The following PHF3 variants were observed in gnomAD, a reference collection of about 807,000 sequenced individuals.
The protein encoded by PHF3 is PHD finger protein 3.
In PHF3, 41 loss-of-function variants were observed where a neutral mutation model predicts 178.4. The ratio of observed to expected loss-of-function variants is 0.23; its 90% CI spans 0.18 to 0.30. The LOEUF (loss-of-function observed/expected upper bound fraction) is 0.30, where lower values mean the gene tolerates loss of function less well. Ranked by LOEUF, PHF3 falls within the 10% of genes least tolerant of loss-of-function variation. The pLI is 1.00. For missense variants in PHF3, 2,346 were observed against 2,398.1 expected (o/e 0.98, Z 0.45); for synonymous variants, 842 against 800.5 (o/e 1.05, Z -0.88).
chr6:63,667,416 TC>T (rs1267878068), intron 2 of PHF3, among the ~76,000 whole-genome samples: 2 of 152,218 alleles, frequency 1.3e-5, no homozygotes, highest in Non-Finnish European at 2.9e-5. Flanking sequence ...TCACCAATAT[TC>T]AACAGCTGTT....
Position 63,714,780 on chromosome 6 carries a change from A to G in PHF3, c.*1072A>G, listed in dbSNP as rs1164475481. On this transcript the variant is annotated 3_prime_UTR_variant, in exon 16 of 16. Coordinates refer to ENST00000262043, the MANE Select transcript of PHF3 (RefSeq NM_001370348.2). ...ACTAATCATTAAAATTAAAGACCGC[A>G]GAACTTGAAGAGAAATATGTTTTGA... 10 of 152,136 alleles carry G rather than the reference A, an allele frequency of 6.6e-5. No individual in the cohort carries two copies. Among genetic ancestry groups the G allele is most frequent in the Admixed American group, 6.6e-4 (10 of 15,246 alleles). The allele number at this position is 152,136 out of a possible 1,614,324, so 9.4% of individuals were successfully genotyped here.
At chr6:63,705,411 G>A (rs558215067) in intron 11 of PHF3, among the ~76,000 whole-genome samples, 94 of 152,204 alleles carry the variant, frequency 6.2e-4, no homozygotes, top group Admixed American at 3.7e-3. Flanking sequence ...AGCGGTGGAC[G>A]ATACTGCCTG....
At chr6:63,674,531 G>A (rs1766082358) in intron 2 of PHF3, among the ~76,000 whole-genome samples, 1 of 151,576 alleles carries the variant, frequency 6.6e-6, no homozygotes, top group African/African-American at 2.4e-5. Flanking sequence ...TCATACCTCA[G>A]CCTCTTTTTG....
At chr6:63,688,362 A>C (rs541026900) in intron 4 of PHF3, among the ~76,000 whole-genome samples, 407 of 1,860 alleles carry the variant, frequency 0.22, 2 homozygotes, top group Middle Eastern at 0.25. Flanking sequence ...TTTAAGACAA[A>C]GTCTCACTGT....
intron 11 of PHF3, among the ~76,000 whole-genome samples, chr6:63,705,520 T>C (rs1198702363): frequency 6.6e-6 from 1 of 152,206 alleles, no homozygotes; most frequent in Non-Finnish European, 1.5e-5. Flanking sequence ...GCGTGCTCCT[T>C]ATGAGAATCT....
chr6:63,648,614 T>G (rs528351873), intron 2 of PHF3, among the ~76,000 whole-genome samples: 1 of 152,346 alleles, frequency 6.6e-6, no homozygotes, highest in African/African-American at 2.4e-5. Context: ...GTTGTACATT[T>G]CTTTTGCTAA....
intron 2 of PHF3, among the ~76,000 whole-genome samples, chr6:63,652,350 T>A (rs1293466341): frequency 6.6e-6 from 1 of 152,208 alleles, no homozygotes; most frequent in South Asian, 2.1e-4. Context: ...TTTTGAAAGA[T>A]GTCTTTTCAG....
chr6:63,694,108 T>C (rs1363785855), intron 5 of PHF3, among the ~76,000 whole-genome samples: 2 of 152,190 alleles, frequency 1.3e-5, no homozygotes, highest in African/African-American at 4.8e-5. Flanking sequence ...CCCAAGGATC[T>C]CAGAATTCCA....
chr6:63,687,861 A>C (rs1766783158), intron 4 of PHF3, among the ~76,000 whole-genome samples: 1 of 152,206 alleles, frequency 6.6e-6, no homozygotes, highest in Admixed American at 6.5e-5. Context: ...AGTCTGTAGA[A>C]TGACTTAGAA....
Position 63,723,731 on chromosome 6 carries a change from T to C in PHF3, c.*10023T>C, listed in dbSNP as rs1333201700. ...ATTAGCTTAAAAAATCATAGACTTT[T>C]AAATTTCATTGCGTTAGGATATGAT... On this transcript the variant is annotated 3_prime_UTR_variant, in exon 16 of 16. Transcript: ENST00000262043. Among the ~76,000 whole-genome samples the C allele has an allele frequency of 6.6e-6, 1 of 151,676 alleles. No individual in the cohort carries two copies. The highest frequency in any genetic ancestry group is 1.5e-5 in the Non-Finnish European group (1 of 67,924).
At chr6:63,661,963 A>G (rs1765486629) in intron 2 of PHF3, among the ~76,000 whole-genome samples, 2 of 152,174 alleles carry the variant, frequency 1.3e-5, no homozygotes, top group Non-Finnish European at 2.9e-5. Context: ...ACCCAGCTGC[A>G]CAGCAACAGG....
intron 13 of PHF3, among the ~76,000 whole-genome samples, 170 bp from the exon 14 acceptor site, chr6:63,708,981 C>A (rs1194951295): frequency 1.3e-5 from 2 of 152,106 alleles, no homozygotes; most frequent in African/African-American, 2.4e-5. Flanking sequence ...TCAAGTAAAA[C>A]CTAATTGCTC....
chr6:63,658,811 T>C (rs1765348100), intron 2 of PHF3, among the ~76,000 whole-genome samples: 1 of 151,694 alleles, frequency 6.6e-6, no homozygotes, highest in Non-Finnish European at 1.5e-5. Context: ...GGAGTTGGCT[T>C]ATGTGATTGT....
intron 1 of PHF3, among the ~76,000 whole-genome samples, chr6:63,638,447 C>T (rs1294995389): frequency 1.3e-5 from 2 of 151,936 alleles, no homozygotes; most frequent in Non-Finnish European, 2.9e-5. Flanking sequence ...TACATTTTGC[C>T]TTCTTAAGAT....
Position 63,706,832 on chromosome 6 carries a change from A to G in PHF3, c.3667A>G (p.Thr1223Ala). Reference sequence around the variant, plus strand: ...CATGCCTTCTGTGGCAAAATTTGTTACCAAAGCCTATCCAGTATCTGGCTC... The same window carrying G: ...CATGCCTTCTGTGGCAAAATTTGTTGCCAAAGCCTATCCAGTATCTGGCTC... ...INMPSVAKFV[T>A]KAYPVSGSPE... The change falls in exon 13 of 16, where the codon ACC becomes GCC. Residue 1223 changes from threonine (T) to alanine (A), a missense_variant. By Grantham distance (58) the Thr-to-Ala change is moderately conservative. Around this residue, in one of 8 missense-constraint regions of PHF3, gnomAD observed 205 missense variants for 212.4 expected, o/e 0.97. Transcript: ENST00000262043. 3 of 1,614,046 alleles carry G rather than the reference A, an allele frequency of 1.9e-6. No homozygotes were observed. Among genetic ancestry groups the G allele is most frequent in the Non-Finnish European group, 2.5e-6 (3 of 1,179,950 alleles).
chr6:63,664,002 G>A (rs1218020374), intron 2 of PHF3, among the ~76,000 whole-genome samples: 8 of 152,042 alleles, frequency 5.3e-5, no homozygotes, highest in African/African-American at 9.7e-5. Flanking sequence ...CTATCAGTAA[G>A]GTAGATTGAA....
At chr6:63,666,755 C>CTTT (rs1050386767) in intron 2 of PHF3, among the ~76,000 whole-genome samples, 1 of 142,802 alleles carries the variant, frequency 7.0e-6, no homozygotes. Context: ...TGTCCCCCTC[C>CTTT]TTTTTTTTTT....
chr6:63,671,775 C>T (rs1048253407), intron 2 of PHF3, among the ~76,000 whole-genome samples: 5 of 152,158 alleles, frequency 3.3e-5, no homozygotes, highest in Admixed American at 1.3e-4. Flanking sequence ...GAGACGGAGT[C>T]GTCCTCTGTC....
chr6:63,684,207 C>T lies in PHF3; in HGVS notation c.485C>T (p.Ser162Phe), dbSNP rs778580790. The change falls in exon 4 of 16, where the codon TCT becomes TTT. Residue 162 changes from serine to phenylalanine, a missense_variant. Around this residue, in one of 8 missense-constraint regions of PHF3, gnomAD observed 843 missense variants for 795.2 expected, o/e 1.06. Coordinates refer to ENST00000262043, the MANE Select transcript of PHF3 (RefSeq NM_001370348.2). ...CCATTAAGTAACACAAAAAAAGCATCTGGGAAGACTGTATCTACTGCTAAA... is the reference window on the plus strand; with the variant it reads ...CCATTAAGTAACACAAAAAAAGCATTTGGGAAGACTGTATCTACTGCTAAA... Reference protein sequence around the residue: ...AAPLSNTKKASGKTVSTAKAG... With the variant: ...AAPLSNTKKAFGKTVSTAKAG... 1 of 1,613,914 alleles carries T rather than the reference C, an allele frequency of 6.2e-7. No homozygotes were observed. The highest frequency in any genetic ancestry group is 8.5e-7 in the Non-Finnish European group (1 of 1,179,874).
Sources: allele counts gnomAD v4.1 joint callset (sites outside exome capture counted in the v4.1 genomes callset), GRCh38; gene constraint gnomAD v4.1.1; regional missense constraint gnomAD v4.1.1; transcripts MANE v1.5; gene names NCBI Gene and HGNC (gene_info 2026-07-23, HGNC 2026-07-21).